The following FAM120B variants were observed in gnomAD, a reference collection of about 807,000 sequenced individuals.
The protein encoded by FAM120B is family with sequence similarity 120 member B, also known as constitutive coactivator of peroxisome proliferator-activated receptor gamma.
Under a neutral mutation model 96.3 loss-of-function variants are expected in FAM120B, and 83 were observed. The observed-to-expected ratio is 0.86, with a 90% CI of 0.72 to 1.03. The LOEUF (loss-of-function observed/expected upper bound fraction) is 1.03, where lower values mean the gene tolerates loss of function less well. FAM120B is among the 50% of genes least tolerant of loss of function. The pLI, the probability that FAM120B is intolerant of heterozygous loss-of-function variation, is 0.00. For synonymous variants in FAM120B, 407 were observed against 402.7 expected (o/e 1.01, Z -0.13); for missense variants, 1,027 against 1,121.2 (o/e 0.92, Z 1.20).
chr6:170,318,028 A>G lies in FAM120B; in HGVS notation c.638A>G (p.Glu213Gly), dbSNP rs966044247. The change falls in exon 2 of 11, where the codon GAG becomes GGG. Residue 213 changes from glutamate (E) to glycine (G), a missense_variant. This residue lies in a region of FAM120B where 880 missense variants were observed against 980.9 expected (regional missense o/e 0.90). Coordinates refer to ENST00000476287, the MANE Select transcript of FAM120B (RefSeq NM_032448.3). ...ATGCTCTGCAGAGAGAAGCTCTGTG[A>G]GAGTCTGGGCCTCTGTGTGGCCGAC... is the stretch of plus-strand genomic sequence containing the variant. ...TVMLCREKLC[E>G]SLGLCVADLP... The G allele has an allele frequency of 2.5e-6, 4 of 1,614,056 alleles. No homozygotes were observed. The highest frequency in any genetic ancestry group is 3.4e-6 in the Non-Finnish European group (4 of 1,179,944).
chr6:170,303,195 T>C (rs563946635), upstream of FAM120B, among the ~76,000 whole-genome samples: 1 of 152,318 alleles, frequency 6.6e-6, no homozygotes, highest in East Asian at 1.9e-4. Flanking sequence ...TACATTTATC[T>C]CTTATATATT....
chr6:170,361,212 A>ATATACACG (rs1554286409), intron 6 of FAM120B, among the ~76,000 whole-genome samples: 1 of 101,614 alleles, frequency 9.8e-6, no homozygotes, highest in Non-Finnish European at 1.9e-5. Context: ...ATATATATAT[A>ATATACACG]TATATATATA....
intron 4 of FAM120B, among the ~76,000 whole-genome samples, chr6:170,343,768 C>G (rs1200572675): frequency 6.6e-6 from 1 of 152,038 alleles, no homozygotes; most frequent in Admixed American, 6.5e-5. Flanking sequence ...TCTGAGTTCC[C>G]AGATGATACT....
At chr6:170,389,603 G>T (rs1237511188) in intron 7 of FAM120B, among the ~76,000 whole-genome samples, 1 of 151,540 alleles carries the variant, frequency 6.6e-6, no homozygotes, top group Non-Finnish European at 1.5e-5. Context: ...CTGTTGCCCA[G>T]CCTGGAATGC....
intron 9 of FAM120B, among the ~76,000 whole-genome samples, chr6:170,399,133 G>A (rs1220748093): frequency 6.8e-6 from 1 of 147,896 alleles, no homozygotes; most frequent in Non-Finnish European, 1.5e-5. Context: ...AGGAGTGAGT[G>A]AGAAAGGTAG....
intron 5 of FAM120B, among the ~76,000 whole-genome samples, chr6:170,357,701 C>G (rs144579373): frequency 2.6e-5 from 4 of 152,352 alleles, no homozygotes; most frequent in African/African-American, 9.6e-5. Context: ...CTGTCTGGCT[C>G]TAAGACCTGG....
In FAM120B at chr6:170,395,592, G is replaced by A. The variant is rs747361247; in HGVS notation, c.2692+13G>A. 3 of 1,574,412 alleles carry A rather than the reference G, an allele frequency of 1.9e-6. No individual in the cohort carries two copies. Among genetic ancestry groups the A allele is most frequent in the South Asian group, 1.2e-5 (1 of 85,918 alleles). On this transcript the variant is annotated intron_variant, in intron 9 of 10. Coordinates refer to ENST00000476287, the MANE Select transcript of FAM120B (RefSeq NM_032448.3). Reference sequence around the variant, plus strand: ...GACCAGGGACCAGGTAAGAAGGCCAGTGGTCACTCTGCTGGGCCACCTGCA... The same window carrying A: ...GACCAGGGACCAGGTAAGAAGGCCAATGGTCACTCTGCTGGGCCACCTGCA...
intron 1 of FAM120B, among the ~76,000 whole-genome samples, chr6:170,300,678 C>T (rs936779952): frequency 6.6e-6 from 1 of 152,228 alleles, no homozygotes; most frequent in Non-Finnish European, 1.5e-5. Context: ...GGGGCACAGG[C>T]ATTGGGCAAA....
intron 9 of FAM120B, among the ~76,000 whole-genome samples, chr6:170,398,769 G>C (rs61416956): frequency 2.3e-5 from 3 of 131,560 alleles, no homozygotes; most frequent in South Asian, 2.5e-4. Context: ...TACGTCATAA[G>C]CCTTAGGAGT....
At chr6:170,294,223 C>T (rs1783948827), upstream of FAM120B, among the ~76,000 whole-genome samples, 1 of 152,198 alleles carries the variant, frequency 6.6e-6, no homozygotes, top group Non-Finnish European at 1.5e-5. This position sits in a 1 kb window ranked among gnomAD's most constrained non-coding sequence, Gnocchi z 7.9. Flanking sequence ...TAAATCCTCA[C>T]CTTGCTCATT....
chr6:170,328,305 G>A lies in FAM120B; in HGVS notation c.1916-2144G>A, dbSNP rs550391292. Among the ~76,000 whole-genome samples, 28 of 152,202 alleles carry A rather than the reference G, an allele frequency of 1.8e-4. No individual in the cohort carries two copies. In the East Asian group the frequency reaches 3.9e-3, roughly 21 times the overall value. On this transcript the variant is annotated intron_variant, in intron 3 of 10. Transcript: ENST00000476287. ...TTGTTAAAAGCTCAGACACAAGCACGCACATTAGTCTAGGACTCCACGGGG... is the reference window on the plus strand; with the variant it reads ...TTGTTAAAAGCTCAGACACAAGCACACACATTAGTCTAGGACTCCACGGGG...
At chr6:170,316,303 A>G (rs529865026) in intron 1 of FAM120B, among the ~76,000 whole-genome samples, 1 of 152,296 alleles carries the variant, frequency 6.6e-6, no homozygotes, top group East Asian at 1.9e-4. Flanking sequence ...TGCTGCCTTC[A>G]GCCTGTCTAG....
chr6:170,369,974 CACATGTAACTTATTTTTCT>C (rs1244594279), intron 6 of FAM120B, among the ~76,000 whole-genome samples: 1 of 152,176 alleles, frequency 6.6e-6, no homozygotes, highest in Non-Finnish European at 1.5e-5. Flanking sequence ...AAGAATCTTT[CACATGTAACTTATTTTTCT>C]ACAGCAGAAG....
Position 170,318,963 on chromosome 6 carries a change from C to G in FAM120B, c.1573C>G (p.His525Asp). 1 of 1,614,190 alleles carries G rather than the reference C, an allele frequency of 6.2e-7. No individual in the cohort carries two copies. Among genetic ancestry groups the G allele is most frequent in the South Asian group, 1.1e-5 (1 of 91,088 alleles). The change falls in exon 2 of 11, where the codon CAC (histidine) becomes GAC (aspartate). Residue 525 changes from histidine to aspartate, a missense_variant. By Grantham distance (81) the His-to-Asp change is moderately conservative. Around this residue, in one of 3 missense-constraint regions of FAM120B, gnomAD observed 880 missense variants for 980.9 expected, o/e 0.90. Coordinates refer to ENST00000476287, the MANE Select transcript of FAM120B (RefSeq NM_032448.3). ...CAAGCAAGAAGACTCCATGTGTACA[C>G]ACGCTGAAATCAATCAAAAATTACC... Reference protein sequence around the residue: ...ISKQEDSMCTHAEINQKLPVA... With the variant: ...ISKQEDSMCTDAEINQKLPVA...
At chr6:170,291,456 C>G (rs942618482), upstream of FAM120B, among the ~76,000 whole-genome samples, 9 of 152,080 alleles carry the variant, frequency 5.9e-5, no homozygotes, top group African/African-American at 1.9e-4. Context: ...GGACGAAGTT[C>G]GAGGCCCGAG....
At chr6:170,353,439 T>C (rs1787705537) in intron 5 of FAM120B, among the ~76,000 whole-genome samples, 2 of 152,084 alleles carry the variant, frequency 1.3e-5, no homozygotes, top group Admixed American at 6.5e-5. Context: ...CTGGTAGACA[T>C]AGAACAAAGA....
intron 6 of FAM120B, 81 bp from the exon 7 acceptor site, chr6:170,388,206 G>T: frequency 1.7e-6 from 2 of 1,211,460 alleles, no homozygotes; most frequent in Non-Finnish European, 1.2e-6. Context: ...TCTGAGCAGA[G>T]TAACTTTGCA....
chr6:170,385,264 T>G (rs1235535907), intron 6 of FAM120B, among the ~76,000 whole-genome samples: 1 of 152,226 alleles, frequency 6.6e-6, no homozygotes, highest in Non-Finnish European at 1.5e-5. Flanking sequence ...GTGGGCATTA[T>G]AAAATATTTT....
chr6:170,370,666 G>A lies in FAM120B; in HGVS notation c.2283+12348G>A, dbSNP rs924132232. Among the ~76,000 whole-genome samples, 1 of 152,194 alleles carries A rather than the reference G, an allele frequency of 6.6e-6. No homozygotes were observed. Among genetic ancestry groups the A allele is most frequent in the South Asian group, 2.1e-4 (1 of 4,830 alleles). ...AGTAAAGGGGAAGAACAGCAGAACT[G>A]CAGTCAGCAGTTCAGATATTACCTC... On this transcript the variant is annotated intron_variant, in intron 6 of 10. Coordinates refer to ENST00000476287, the MANE Select transcript of FAM120B (RefSeq NM_032448.3). The surrounding 1 kb of genome is among the most constrained non-coding windows in gnomAD (Gnocchi z 4.3).
Sources: gnomAD v4.1 joint callset for allele counts (sites outside exome capture counted in the v4.1 genomes callset) on GRCh38, gnomAD v4.1.1 for gene constraint, gnomAD v4.1.1 regional missense constraint, Gnocchi (gnomAD v3.1) non-coding constraint, MANE v1.5 for transcripts, NCBI Gene and HGNC (gene_info 2026-07-23, HGNC 2026-07-21) for gene names.